GPR155: variants seen among roughly 807,000 people sequenced by gnomAD.
The protein encoded by GPR155 is lysosomal cholesterol signaling protein.
GPR155 carries 65 observed loss-of-function variants against 93.1 expected under a neutral mutation model. The observed-to-expected ratio is 0.70, with a 90% CI of 0.57 to 0.86. The LOEUF (loss-of-function observed/expected upper bound fraction) is 0.86, where lower values mean the gene tolerates loss of function less well. GPR155 is among the 40% of genes least tolerant of loss of function. GPR155 has a pLI of 0.00. For missense variants in GPR155, 838 were observed against 1,034.8 expected (o/e 0.81, Z 2.61); for synonymous variants, 319 against 360.1 (o/e 0.89, Z 1.29).
chr2:174,473,336 T>C lies in GPR155; in HGVS notation c.489A>G (p.Pro163=). ...CCAAATAAATGTACTGGAGATATTC[T>C]GGGTATGTAGTTTGATATAAAGCTT... The part of the protein sequence containing the change: ...IVEALYQTTY[P]EYLQYIYLVA... Residue 163 remains proline, a synonymous_variant, in exon 3 of 16, where the codon CCA becomes CCG. Coordinates refer to ENST00000392552, the MANE Select transcript of GPR155 (RefSeq NM_152529.7). 1.9e-6 allele frequency: 3 copies of C among 1,596,062 alleles called. No individual in the cohort carries two copies. Among genetic ancestry groups the C allele is most frequent in the Non-Finnish European group, 2.6e-6 (3 of 1,171,450 alleles).
chr2:174,450,337 G>A, intron 11 of GPR155, among the ~76,000 whole-genome samples: 1 of 152,092 alleles, frequency 6.6e-6, no homozygotes, highest in Non-Finnish European at 1.5e-5. Flanking sequence ...GGAAAGGAGG[G>A]AGAGGGCAAG....
At chr2:174,457,745 G>A (rs1687561619) in intron 10 of GPR155, among the ~76,000 whole-genome samples, 1 of 151,982 alleles carries the variant, frequency 6.6e-6, no homozygotes, top group Admixed American at 6.6e-5. Flanking sequence ...GTGAGCCACC[G>A]CACCAGGCCT....
rs1686659683 is a variant in GPR155 at position 174,432,164 on chromosome 2, T to A, written c.*3952A>T. ...CTCAGGAAACCCATTTAAGAAAACA[T>A]TGAGAATGTATAGAAAAGACCTCTA... On this transcript the variant is annotated 3_prime_UTR_variant, in exon 16 of 16. Coordinates refer to ENST00000392552, the MANE Select transcript of GPR155 (RefSeq NM_152529.7). 6.6e-6 allele frequency: 1 copy of A among 152,566 alleles called. No homozygotes were observed. The highest frequency in any genetic ancestry group is 2.4e-5 in the African/African-American group (1 of 41,430). The allele number at this position is 152,566 out of a possible 1,614,324, so 9.5% of individuals were successfully genotyped here. A position where few individuals can be genotyped will look rare whatever the true frequency, so the allele number is the denominator to read the frequency against.
At chr2:174,437,474 T>G in intron 15 of GPR155, among the ~76,000 whole-genome samples, 1 of 152,204 alleles carries the variant, frequency 6.6e-6, no homozygotes, top group Admixed American at 6.5e-5. Flanking sequence ...TATCTTAATT[T>G]ATGCCTTGCA....
At chr2:174,453,328 A>G (rs1174107744) in intron 11 of GPR155, among the ~76,000 whole-genome samples, 1 of 152,214 alleles carries the variant, frequency 6.6e-6, no homozygotes, top group Non-Finnish European at 1.5e-5. Flanking sequence ...TGTAACTTCT[A>G]TAGATATTCT....
chr2:174,470,423 G>A lies in GPR155; in HGVS notation c.993C>T (p.Ile331=). ...CTTCCATGTTGAATTGTGTTGCAAA[G>A]ATAGCCACTCCTGGTGCTACAGGAA... The part of the protein sequence containing the change: ...GVFPVAPGVA[I]FATQFNMEVE... Residue 331 remains isoleucine, a synonymous_variant, in exon 4 of 16, where the codon ATC becomes ATT. Transcript: ENST00000392552. 6.2e-7 allele frequency: 1 copy of A among 1,613,526 alleles called. No individual in the cohort carries two copies. Among genetic ancestry groups the A allele is most frequent in the Non-Finnish European group, 8.5e-7 (1 of 1,179,658 alleles).
chr2:174,485,921 C>T (rs964573289), intron 1 of GPR155, among the ~76,000 whole-genome samples: 2 of 152,196 alleles, frequency 1.3e-5, no homozygotes. Flanking sequence ...AGAAATGCTA[C>T]TGTACTTACA....
At chr2:174,438,188 T>C (rs1363769170) in intron 15 of GPR155, among the ~76,000 whole-genome samples, 1 of 151,926 alleles carries the variant, frequency 6.6e-6, no homozygotes, top group Non-Finnish European at 1.5e-5. Flanking sequence ...TGCAGTGAGA[T>C]TGCGCCACTG....
At chr2:174,454,142 T>G (rs1259169056) in intron 10 of GPR155, among the ~76,000 whole-genome samples, 1 of 151,928 alleles carries the variant, frequency 6.6e-6, no homozygotes, top group African/African-American at 2.4e-5. Context: ...TTTTGTTCTG[T>G]TTTTTTGTTT....
At chr2:174,439,445 G>T (rs1686888675) in intron 15 of GPR155, among the ~76,000 whole-genome samples, 2 of 152,224 alleles carry the variant, frequency 1.3e-5, no homozygotes, top group African/African-American at 4.8e-5. Context: ...ATTAGAACTT[G>T]AAGTGAAACA....
rs1167122123 is a variant in GPR155, at chr2:174,453,787, G to A, written c.1826C>T (p.Pro609Leu). The change falls in exon 11 of 16, where the codon CCA becomes CTA. Residue 609 changes from proline to leucine, a missense_variant. Coordinates refer to ENST00000392552, the MANE Select transcript of GPR155 (RefSeq NM_152529.7). ...NGELHCPSIEPIANTSTSEPV... is the reference protein window; with the variant it reads ...NGELHCPSIELIANTSTSEPV... ...CTCACTGGTGCTTGTGTTTGCTATT[G>A]GCTCTATTGATGGGCAGTGTAATTC... 1 of 1,613,006 alleles carries A rather than the reference G, an allele frequency of 6.2e-7. No individual in the cohort carries two copies. Among genetic ancestry groups the A allele is most frequent in the Non-Finnish European group, 8.5e-7 (1 of 1,179,472 alleles).
At chr2:174,437,863 C>T (rs1375097322) in intron 15 of GPR155, among the ~76,000 whole-genome samples, 2 of 151,624 alleles carry the variant, frequency 1.3e-5, no homozygotes, top group African/African-American at 4.8e-5. Flanking sequence ...GGATTACAGG[C>T]GTGAGCCACC....
Position 174,445,256 on chromosome 2 carries a change from T to C in GPR155, c.2014-80A>G, listed in dbSNP as rs1687085802. On this transcript the variant is annotated intron_variant, in intron 12 of 15. Transcript: ENST00000392552. ...TCCATCCACAGCATAGTACAATAAC[T>C]TACCTACTTAATAATTACAGGGAAA... 43 of 690,854 alleles carry C rather than the reference T, an allele frequency of 6.2e-5. 1 individual carries two copies. In the South Asian group the frequency reaches 7.1e-4, roughly 11 times the overall value. The allele number at this position is 690,854 out of a possible 1,614,324, so 42.8% of individuals were successfully genotyped here.
intron 10 of GPR155, among the ~76,000 whole-genome samples, chr2:174,459,643 G>A (rs961824348): frequency 1.3e-5 from 2 of 152,142 alleles, no homozygotes; most frequent in South Asian, 2.1e-4. Context: ...TCAGCAGGTC[G>A]AGACCAGCCT....
chr2:174,462,882 A>G (rs1687740576), intron 7 of GPR155, among the ~76,000 whole-genome samples: 1 of 152,218 alleles, frequency 6.6e-6, no homozygotes, highest in South Asian at 2.1e-4. Context: ...TTAGAACTTT[A>G]AAGTTGAAAG....
rs1686685880 is a variant in GPR155, at chr2:174,433,162, CTT to C, written c.*2952_*2953del. 1.3e-5 allele frequency: 2 copies of C among 152,050 alleles called. No individual in the cohort carries two copies. The highest frequency in any genetic ancestry group is 4.8e-5 in the African/African-American group (2 of 41,394). The allele number at this position is 152,050 out of a possible 1,614,324, so 9.4% of individuals were successfully genotyped here. A position where few individuals can be genotyped will look rare whatever the true frequency, so the allele number is the denominator to read the frequency against. ...ATAAATAACTTTTTTACATGAGACA[CTT>C]AAAGTATAATTAAATAAATATCTGA... is the stretch of plus-strand genomic sequence containing the variant. On this transcript the variant is annotated 3_prime_UTR_variant, in exon 16 of 16. Transcript: ENST00000392552.
Position 174,435,500 on chromosome 2 carries a change from CTT to C in GPR155, c.*614_*615del, listed in dbSNP as rs1385857810. The C allele has an allele frequency of 3.6e-5, 3 of 83,258 alleles. No homozygotes were observed. The highest frequency in any genetic ancestry group is 6.2e-5 in the Non-Finnish European group (2 of 32,434). 5.2% of individuals were successfully genotyped at this position (83,258 alleles called of 1,614,324 possible). On this transcript the variant is annotated 3_prime_UTR_variant, in exon 16 of 16. Transcript: ENST00000392552. ...TTTTATTTTATTTTTGAGATAGAGT[CTT>C]GCTCTGTTGCTCAGGCTGGAGTGCA...
intron 11 of GPR155, among the ~76,000 whole-genome samples, chr2:174,447,889 AT>A (rs1687187420): frequency 6.7e-6 from 1 of 149,924 alleles, no homozygotes; most frequent in African/African-American, 2.4e-5. Context: ...TATACATATA[AT>A]TTTAAAGGCC....
At chr2:174,446,526 C>CT (rs1429243545) in intron 12 of GPR155, 85 bp downstream of exon 12, 35 of 1,317,478 alleles carry the variant, frequency 2.7e-5, no homozygotes, top group Non-Finnish European at 3.5e-5. Flanking sequence ...AAAGCAGCAA[C>CT]TAAGTTTTTC....
Sources: gnomAD v4.1 joint callset for allele counts (sites outside exome capture counted in the v4.1 genomes callset) on GRCh38, gnomAD v4.1.1 for gene constraint, MANE v1.5 for transcripts, NCBI Gene and HGNC (gene_info 2026-07-23, HGNC 2026-07-21) for gene names.